The following PPP2R2B variants were observed in gnomAD, a reference collection of about 807,000 sequenced individuals.
PPP2R2B encodes the protein serine/threonine-protein phosphatase 2A 55 kDa regulatory subunit B beta isoform.
PPP2R2B carries 5 observed loss-of-function variants against 46.0 expected under a neutral mutation model. The observed-to-expected ratio is 0.11, with a 90% confidence interval of 0.06 to 0.23. The LOEUF (loss-of-function observed/expected upper bound fraction) is 0.23. PPP2R2B is among the 10% of genes least tolerant of loss of function. PPP2R2B has a pLI of 1.00. For missense variants in PPP2R2B, 367 were observed against 575.0 expected, an observed-to-expected ratio of 0.64 and a Z score of 3.70; for synonymous variants, 215 against 206.7, an observed-to-expected ratio of 1.04 and a Z score of -0.34.
intron 2 of PPP2R2B, among the ~76,000 whole-genome samples, chr5:146,810,281 G>A (rs1757446223): frequency 6.6e-6 from 1 of 152,180 alleles, no homozygotes; most frequent in African/African-American, 2.4e-5. Context: ...CACAATCATG[G>A]TGGAAGGTGA....
chr5:146,846,529 T>C (rs1760019609), intron 2 of PPP2R2B, among the ~76,000 whole-genome samples: 1 of 150,758 alleles, frequency 6.6e-6, no homozygotes, highest in South Asian at 2.1e-4. Context: ...AATACAAAAA[T>C]CAGCTGGGCA....
At chr5:146,719,805 T>C (rs1198658175) in intron 2 of PPP2R2B, among the ~76,000 whole-genome samples, 1 of 152,004 alleles carries the variant, frequency 6.6e-6, no homozygotes, top group Non-Finnish European at 1.5e-5. Context: ...TGAGTTTCTA[T>C]CATCTAAAAA....
intron 5 of PPP2R2B, among the ~76,000 whole-genome samples, chr5:146,688,101 G>T (rs1230210004): frequency 6.6e-6 from 1 of 152,024 alleles, no homozygotes; most frequent in Non-Finnish European, 1.5e-5. Flanking sequence ...AAAAAGAAAA[G>T]GAAGCTGGAC....
At chr5:146,729,186 G>T (rs1752072052) in intron 2 of PPP2R2B, among the ~76,000 whole-genome samples, 1 of 152,224 alleles carries the variant, frequency 6.6e-6, no homozygotes, top group Non-Finnish European at 1.5e-5. Flanking sequence ...CTGGAGCAAA[G>T]GTGACTCTTG....
intron 1 of PPP2R2B, among the ~76,000 whole-genome samples, chr5:146,988,542 G>T (rs962724117): frequency 6.6e-6 from 1 of 151,646 alleles, no homozygotes; most frequent in African/African-American, 2.4e-5. Flanking sequence ...AAAGTAAGAA[G>T]GAAATTTAAA....
intron 5 of PPP2R2B, among the ~76,000 whole-genome samples, chr5:146,680,747 C>A (rs909494278): frequency 6.6e-6 from 1 of 152,152 alleles, no homozygotes; most frequent in African/African-American, 2.4e-5. Flanking sequence ...AGAAAATAAA[C>A]TCATCTGATC....
chr5:146,692,832 C>T (rs957427903), intron 4 of PPP2R2B, among the ~76,000 whole-genome samples: 1 of 152,134 alleles, frequency 6.6e-6, no homozygotes, highest in Admixed American at 6.5e-5. Context: ...CCACACCCGG[C>T]CTAATTCAAT....
At chr5:146,724,270 C>T (rs1453704219) in intron 2 of PPP2R2B, among the ~76,000 whole-genome samples, 1 of 151,766 alleles carries the variant, frequency 6.6e-6, no homozygotes, top group Non-Finnish European at 1.5e-5. Context: ...CGATGGCCAT[C>T]CCAAAAACTC....
intron 1 of PPP2R2B, among the ~76,000 whole-genome samples, chr5:146,969,359 C>T (rs1290165510): frequency 6.6e-6 from 1 of 152,042 alleles, no homozygotes; most frequent in Non-Finnish European, 1.5e-5. Flanking sequence ...TTCATTATGG[C>T]TGGAATAAAG....
At chr5:146,597,125 T>C (rs1323874542) in intron 8 of PPP2R2B, among the ~76,000 whole-genome samples, 3 of 152,186 alleles carry the variant, frequency 2.0e-5, no homozygotes. Context: ...TACCTGTCCT[T>C]CTTTCAGCCA....
At chr5:146,698,748 C>CTT (rs3217532) in intron 3 of PPP2R2B, among the ~76,000 whole-genome samples, 3 of 143,170 alleles carry the variant, frequency 2.1e-5, no homozygotes, top group Admixed American at 7.0e-5. Context: ...GCCCCTGCTC[C>CTT]TTTTTTTTTT....
In PPP2R2B at chr5:146,725,030, A is replaced by G. The variant is rs193212798; in HGVS notation, c.71-23888T>C. On this transcript the variant is annotated intron_variant, in intron 2 of 9. Coordinates refer to ENST00000394411, the MANE Select transcript of PPP2R2B (RefSeq NM_181675.4). ...CAACAGTTTAATAATTCTAATTCAT[A>G]TATACTTCTATTAATGCGATCAATA... 3.3e-3 allele frequency among the ~76,000 whole-genome samples: 499 copies of G among 151,012 alleles called. 9 individuals are homozygous for G. The highest frequency in any genetic ancestry group is 0.012 in the African/African-American group (469 of 40,330).
rs541282140 is a variant in PPP2R2B at position 146,912,671 on chromosome 5, A to AT, written c.79+142993dup. Among the ~76,000 whole-genome samples, 464 of 150,468 alleles carry AT rather than the reference A, an allele frequency of 3.1e-3. 1 individual carries two copies. The highest frequency in any genetic ancestry group is 4.5e-3 in the Non-Finnish European group (302 of 67,494). On this transcript the variant is annotated intron_variant, in intron 1 of 8. Transcript: ENST00000336640. ...AGGCGTGTGCCACCATGCCTGGCTA[A>AT]TTTTTTTTTGTATTTTTAGTAGAGA...
intron 1 of PPP2R2B, among the ~76,000 whole-genome samples, chr5:146,999,563 A>C (rs1283041901): frequency 2.0e-5 from 3 of 152,204 alleles, no homozygotes; most frequent in Non-Finnish European, 2.9e-5. Flanking sequence ...GTTGGAAATC[A>C]CTGCTGTTAG....
At chr5:146,861,087 C>G (rs1450659356) in intron 2 of PPP2R2B, among the ~76,000 whole-genome samples, 1 of 140,144 alleles carries the variant, frequency 7.1e-6, no homozygotes, top group South Asian at 2.3e-4. Context: ...GACTGAGTCT[C>G]CTCTGTCGCT....
intron 2 of PPP2R2B, chr5:146,856,670 T>A: frequency 1.1e-6 from 1 of 884,534 alleles, no homozygotes. Context: ...TTACATACTT[T>A]CCACATACCC....
At chr5:146,950,442 A>T (rs114821622) in intron 1 of PPP2R2B, among the ~76,000 whole-genome samples, 1,822 of 152,010 alleles carry the variant, frequency 0.012, 19 homozygotes, top group African/African-American at 0.024. Flanking sequence ...CACATTTTTT[A>T]AAAAAAATTT....
intron 5 of PPP2R2B, among the ~76,000 whole-genome samples, chr5:146,689,635 T>C (rs1438131269): frequency 6.6e-6 from 1 of 152,242 alleles, no homozygotes; most frequent in African/African-American, 2.4e-5. Context: ...GACTGTCATA[T>C]GCCCAAGGTC....
chr5:146,816,119 AT>A (rs1757918045), intron 2 of PPP2R2B, among the ~76,000 whole-genome samples: 1 of 152,156 alleles, frequency 6.6e-6, no homozygotes, highest in Non-Finnish European at 1.5e-5. Flanking sequence ...CACTTACAGT[AT>A]TATTAATAAT....
Sources: allele counts gnomAD v4.1 joint callset (sites outside exome capture counted in the v4.1 genomes callset), GRCh38; gene constraint gnomAD v4.1.1; transcripts MANE v1.5; gene names NCBI Gene and HGNC (gene_info 2026-07-23, HGNC 2026-07-21).